DNM3: variants seen among roughly 807,000 people sequenced by gnomAD.
DNM3 encodes the protein dynamin-3.
Under a neutral mutation model 101.6 loss-of-function variants are expected in DNM3, and 47 were observed. The observed-to-expected ratio is 0.46, with a 90% confidence interval of 0.37 to 0.59. DNM3 has a LOEUF of 0.59. DNM3 is among the 20% of genes least tolerant of loss of function. The pLI, the probability that DNM3 is intolerant of heterozygous loss-of-function variation, is 0.00. For missense variants in DNM3, 849 were observed against 1,085.7 expected (o/e 0.78, Z 3.06); for synonymous variants, 385 against 387.9 (o/e 0.99, Z 0.09).
At chr1:172,180,385 A>G (rs1266809494) in intron 14 of DNM3, among the ~76,000 whole-genome samples, 1 of 152,104 alleles carries the variant, frequency 6.6e-6, no homozygotes, top group Non-Finnish European at 1.5e-5. Flanking sequence ...TCACAAGGAA[A>G]CTAAAGCCAA....
At chr1:171,881,434 G>A (rs1367015172) in intron 1 of DNM3, among the ~76,000 whole-genome samples, 3 of 152,114 alleles carry the variant, frequency 2.0e-5, no homozygotes, top group Admixed American at 1.3e-4. Context: ...CTCCTGTGAC[G>A]TTTTGTCTTT....
At chr1:171,887,267 A>G (rs2036860030) in intron 1 of DNM3, among the ~76,000 whole-genome samples, 1 of 152,202 alleles carries the variant, frequency 6.6e-6, no homozygotes, top group Non-Finnish European at 1.5e-5. Context: ...TATTGAGGTG[A>G]AAGGTCCCAT....
intron 6 of DNM3, among the ~76,000 whole-genome samples, chr1:172,037,615 G>A (rs1317936260): frequency 1.3e-5 from 2 of 151,984 alleles, no homozygotes; most frequent in African/African-American, 4.8e-5. Flanking sequence ...TCTCACCTTT[G>A]TTCTTAATTA....
chr1:172,364,727 G>A (rs983129148), intron 17 of DNM3, among the ~76,000 whole-genome samples: 4 of 151,864 alleles, frequency 2.6e-5, no homozygotes, highest in African/African-American at 4.8e-5. Context: ...CATGGGGATG[G>A]ATTTCTCATG....
chr1:172,397,167 T>G (rs2070077125), intron 20 of DNM3: 1 of 152,642 alleles, frequency 6.6e-6, no homozygotes, highest in Admixed American at 6.5e-5. Context: ...TACTTACTTC[T>G]TAAAACAACG....
intron 13 of DNM3, among the ~76,000 whole-genome samples, chr1:172,097,718 A>T (rs181869558): frequency 6.6e-6 from 1 of 152,212 alleles, no homozygotes; most frequent in Non-Finnish European, 1.5e-5. Context: ...TGGGAAATTC[A>T]GTCAGATATC....
At chr1:172,201,238 A>G (rs1191562776) in intron 14 of DNM3, among the ~76,000 whole-genome samples, 2 of 152,108 alleles carry the variant, frequency 1.3e-5, no homozygotes, top group Non-Finnish European at 1.5e-5. Context: ...TGGCTCCCCT[A>G]TGTTTCCTCA....
chr1:172,001,734 C>T (rs546611664), intron 4 of DNM3, among the ~76,000 whole-genome samples: 3 of 152,068 alleles, frequency 2.0e-5, no homozygotes, highest in Middle Eastern at 6.8e-3. Context: ...AGATGAAATT[C>T]GTGAATTGGG....
chr1:172,101,681 C>T (rs910113272), intron 13 of DNM3, among the ~76,000 whole-genome samples: 9 of 152,068 alleles, frequency 5.9e-5, no homozygotes, highest in South Asian at 4.2e-4. Flanking sequence ...AGTAACTTGC[C>T]CAGTCACACA....
chr1:172,000,581 T>C (rs568426190), intron 4 of DNM3, among the ~76,000 whole-genome samples: 79 of 152,232 alleles, frequency 5.2e-4, no homozygotes, highest in African/African-American at 1.8e-3. Flanking sequence ...TGCTGGAAGA[T>C]TCAGTAGTAA....
intron 1 of DNM3, among the ~76,000 whole-genome samples, chr1:171,899,678 G>A (rs1336616952): frequency 6.6e-6 from 1 of 152,206 alleles, no homozygotes; most frequent in African/African-American, 2.4e-5. Flanking sequence ...TAAAACATTA[G>A]TTGAGGGCCT....
intron 17 of DNM3, among the ~76,000 whole-genome samples, chr1:172,336,919 C>G (rs955348855): frequency 6.6e-6 from 1 of 152,116 alleles, no homozygotes; most frequent in African/African-American, 2.4e-5. Context: ...ATCTACCTCA[C>G]GAGGACTAAA....
In DNM3 at chr1:171,863,266, G is replaced by C. The variant is rs1424232120; in HGVS notation, c.161+21449G>C. ...ATGGTGAGATGGGCATCCCACAGAG[G>C]AGTAGGGATATCTTATCCACTGTAA... On this transcript the variant is annotated intron_variant, in intron 1 of 20. Transcript: ENST00000627582. Among the ~76,000 whole-genome samples, 6 of 152,066 alleles carry C rather than the reference G, an allele frequency of 3.9e-5. No homozygotes were observed. In the East Asian group the frequency reaches 9.6e-4, roughly 24 times the overall value.
intron 2 of DNM3, among the ~76,000 whole-genome samples, chr1:171,961,844 C>A (rs1021145120): frequency 2.0e-5 from 3 of 152,138 alleles, no homozygotes; most frequent in Admixed American, 2.0e-4. Flanking sequence ...AATAAGCCAG[C>A]CACAAAAGGA....
intron 17 of DNM3, among the ~76,000 whole-genome samples, chr1:172,334,822 T>C (rs1240777020): frequency 6.6e-6 from 1 of 152,172 alleles, no homozygotes; most frequent in African/African-American, 2.4e-5. Context: ...AGAATTGCCT[T>C]AACCCACACT....
chr1:172,147,036 C>T (rs933907527), intron 14 of DNM3, among the ~76,000 whole-genome samples: 2 of 151,982 alleles, frequency 1.3e-5, no homozygotes, highest in African/African-American at 4.8e-5. Context: ...ATTGAGTTCC[C>T]CTTAGAATAT....
At chr1:172,080,504 T>G (rs1352975064) in intron 11 of DNM3, among the ~76,000 whole-genome samples, 1 of 152,136 alleles carries the variant, frequency 6.6e-6, no homozygotes, top group East Asian at 1.9e-4. Context: ...TAGGCCAACT[T>G]CAGACTGCTG....
intron 7 of DNM3, among the ~76,000 whole-genome samples, chr1:172,040,196 A>G (rs533682106): frequency 9.9e-5 from 15 of 152,146 alleles, no homozygotes; most frequent in Non-Finnish European, 1.8e-4. Flanking sequence ...TTTCTGAAAA[A>G]TTTTTCATGT....
intron 12 of DNM3, among the ~76,000 whole-genome samples, chr1:172,085,515 G>A (rs2147770563): frequency 6.6e-6 from 1 of 152,118 alleles, no homozygotes; most frequent in East Asian, 1.9e-4. Flanking sequence ...AGAGAAAGAG[G>A]GACTATAGAT....
Sources: gnomAD v4.1 joint callset for allele counts (sites outside exome capture counted in the v4.1 genomes callset) on GRCh38, gnomAD v4.1.1 for gene constraint, MANE v1.5 for transcripts, NCBI Gene and HGNC (gene_info 2026-07-23, HGNC 2026-07-21) for gene names.